Variants in HCN1 observed in about 807,000 individuals in gnomAD.
HCN1 encodes the protein hyperpolarization activated cyclic nucleotide gated potassium channel 1, also known as potassium/sodium hyperpolarization-activated cyclic nucleotide-gated channel 1.
In HCN1, 13 loss-of-function variants were observed where a neutral mutation model predicts 78.9. That is an observed-to-expected ratio of 0.16 (90% confidence interval 0.11 to 0.26). The LOEUF (loss-of-function observed/expected upper bound fraction) is 0.26, where lower values mean the gene tolerates loss of function less well. Among genes scored for constraint, HCN1 ranks in the 10% least tolerant of loss-of-function variants. The probability of loss-of-function intolerance (pLI) is 1.00; values close to 1 mark genes in which losing one functional copy is unlikely to be tolerated. For missense variants in HCN1, 810 were observed against 1,154.3 expected, an observed-to-expected ratio of 0.70 and a Z score of 4.32; for synonymous variants, 552 against 455.5, an observed-to-expected ratio of 1.21 and a Z score of -2.70.
rs146467312 is a variant in HCN1 at position 45,619,812 on chromosome 5, C to T, written c.849+25373G>A. On this transcript the variant is annotated intron_variant, in intron 2 of 7. Coordinates refer to ENST00000303230, the MANE Select transcript of HCN1 (RefSeq NM_021072.4). ...ATTAATGTGGTGATTTGAACTCAGGCCCACAAATTCTTTGATATTCCTCTC... is the reference window on the plus strand; with the variant it reads ...ATTAATGTGGTGATTTGAACTCAGGTCCACAAATTCTTTGATATTCCTCTC... Among the ~76,000 whole-genome samples the T allele has an allele frequency of 5.0e-3, 761 of 151,972 alleles. 4 individuals carry two copies. The highest frequency in any genetic ancestry group is 0.017 in the African/African-American group (726 of 41,508).
intron 2 of HCN1, among the ~76,000 whole-genome samples, chr5:45,546,431 T>G (rs531691225): frequency 1.9e-4 from 29 of 152,046 alleles, no homozygotes; most frequent in Non-Finnish European, 1.9e-4. Flanking sequence ...CAGTGTAATA[T>G]CCAAATTCTG....
At chr5:45,597,304 C>G (rs1258546154) in intron 2 of HCN1, among the ~76,000 whole-genome samples, 1 of 152,064 alleles carries the variant, frequency 6.6e-6, no homozygotes, top group Non-Finnish European at 1.5e-5. Flanking sequence ...GTAAACAGAT[C>G]CAAAGACAAA....
chr5:45,653,375 G>A (rs1745712805), intron 1 of HCN1, among the ~76,000 whole-genome samples: 1 of 152,024 alleles, frequency 6.6e-6, no homozygotes, highest in Admixed American at 6.6e-5. Flanking sequence ...CTACTGAACA[G>A]TGAATACTCT....
At chr5:45,376,654 G>C (rs1284306229) in intron 4 of HCN1, among the ~76,000 whole-genome samples, 3 of 151,860 alleles carry the variant, frequency 2.0e-5, no homozygotes, top group African/African-American at 7.2e-5. Flanking sequence ...CATGAGTCAT[G>C]CAGGGCAGAC....
chr5:45,658,932 C>G lies in HCN1; in HGVS notation c.426-13324G>C, dbSNP rs1057440096. Among the ~76,000 whole-genome samples, 15 of 143,768 alleles carry G rather than the reference C, an allele frequency of 1.0e-4. No individual in the cohort carries two copies. The East Asian group carries it at 1.5e-3, about 14-fold the overall frequency. 94.3% of individuals were successfully genotyped at this position (143,768 alleles called of 152,430 possible). A position where few individuals can be genotyped will look rare whatever the true frequency, so the allele number is the denominator to read the frequency against. Reference sequence around the variant, plus strand: ...AGGTAAACAAAGCAGCCGGGAAGCTCGAACTGGGTGGAGCCCACCACAGCT... The same window carrying G: ...AGGTAAACAAAGCAGCCGGGAAGCTGGAACTGGGTGGAGCCCACCACAGCT... On this transcript the variant is annotated intron_variant, in intron 1 of 7. Coordinates refer to ENST00000303230, the MANE Select transcript of HCN1 (RefSeq NM_021072.4).
intron 2 of HCN1, among the ~76,000 whole-genome samples, chr5:45,467,886 CT>C (rs3057668): frequency 6.6e-6 from 1 of 152,118 alleles, no homozygotes; most frequent in South Asian, 2.1e-4. Context: ...TTTCCTAATT[CT>C]TTTTTTCCCT....
chr5:45,418,649 G>T (rs142264412), intron 3 of HCN1, among the ~76,000 whole-genome samples: 1 of 151,886 alleles, frequency 6.6e-6, no homozygotes, highest in South Asian at 2.1e-4. Context: ...ATAAATCAAC[G>T]TAACTGTCAA....
chr5:45,677,338 C>T (rs978096396), intron 1 of HCN1, among the ~76,000 whole-genome samples: 2 of 151,754 alleles, frequency 1.3e-5, no homozygotes, highest in African/African-American at 4.8e-5. Flanking sequence ...GATCAAGAAC[C>T]TGTATTGAAG....
intron 2 of HCN1, among the ~76,000 whole-genome samples, chr5:45,619,527 T>C (rs1745018408): frequency 3.9e-5 from 6 of 151,968 alleles, no homozygotes. Context: ...TAAATATGAA[T>C]CTACGCTGAT....
chr5:45,385,352 C>A (rs184842362), intron 4 of HCN1, among the ~76,000 whole-genome samples: 13 of 151,536 alleles, frequency 8.6e-5, no homozygotes, highest in Admixed American at 2.0e-4. Flanking sequence ...GGTAGTCATT[C>A]GATTTTTTTT....
intron 3 of HCN1, among the ~76,000 whole-genome samples, chr5:45,407,504 G>T (rs1383736761): frequency 6.6e-6 from 1 of 151,886 alleles, no homozygotes; most frequent in Non-Finnish European, 1.5e-5. Flanking sequence ...TCTTCAGGAG[G>T]CATCGCAGAG....
intron 5 of HCN1, among the ~76,000 whole-genome samples, chr5:45,331,909 C>A (rs1746352205): frequency 6.6e-6 from 1 of 151,462 alleles, no homozygotes. Context: ...CCAAGGCAAG[C>A]TTCAAAATCA....
At chr5:45,442,468 G>GT (rs1579897448) in intron 3 of HCN1, among the ~76,000 whole-genome samples, 1 of 151,480 alleles carries the variant, frequency 6.6e-6, no homozygotes, top group East Asian at 1.9e-4. Context: ...GGAACACATT[G>GT]TTTTTTAAAA....
chr5:45,354,294 C>T (rs1399102083), intron 4 of HCN1, among the ~76,000 whole-genome samples: 1 of 151,400 alleles, frequency 6.6e-6, no homozygotes. Context: ...GTCATAAGAC[C>T]ACACACTGAA....
intron 2 of HCN1, among the ~76,000 whole-genome samples, chr5:45,520,823 T>C (rs185262584): frequency 2.4e-4 from 37 of 152,046 alleles, no homozygotes; most frequent in Non-Finnish European, 1.8e-4. Context: ...TGAAAAGACA[T>C]ACTACTCAGG....
chr5:45,345,854 T>G (rs993652631), intron 5 of HCN1, among the ~76,000 whole-genome samples: 1 of 152,228 alleles, frequency 6.6e-6, no homozygotes, highest in Admixed American at 6.5e-5. Flanking sequence ...TCAGGTATCT[T>G]TGAAGCAGTG....
rs185785605 is a variant in HCN1, at chr5:45,418,201, T to C, written c.1012-21491A>G. 3.6e-4 allele frequency among the ~76,000 whole-genome samples: 55 copies of C among 151,882 alleles called. 1 individual carries two copies. In the East Asian group the frequency reaches 0.01, roughly 29 times the overall value. ...TAATCTTGTCTTGGCATATTTAGAA[T>C]GATAAAAGAAAAAGTGTTTATAATG... On this transcript the variant is annotated intron_variant, in intron 3 of 7. Coordinates refer to ENST00000303230, the MANE Select transcript of HCN1 (RefSeq NM_021072.4).
intron 5 of HCN1, 59 bp downstream of exon 5, chr5:45,353,041 T>G (rs1467065979): frequency 1.4e-6 from 2 of 1,431,618 alleles, no homozygotes; most frequent in Non-Finnish European, 2.0e-6. Flanking sequence ...AGATTCTCCA[T>G]GAAGAGAGAA....
intron 2 of HCN1, among the ~76,000 whole-genome samples, chr5:45,471,024 C>T (rs1393532429): frequency 6.6e-6 from 1 of 151,982 alleles, no homozygotes; most frequent in South Asian, 2.1e-4. Context: ...ATCTTTCTGT[C>T]TTACCTGTTT....
Sources: allele counts gnomAD v4.1 joint callset (sites outside exome capture counted in the v4.1 genomes callset), GRCh38; gene constraint gnomAD v4.1.1; transcripts MANE v1.5; gene names NCBI Gene and HGNC (gene_info 2026-07-23, HGNC 2026-07-21).